The following SMURF1 variants were observed in gnomAD, a reference collection of about 807,000 sequenced individuals.
SMURF1 encodes the protein SMAD specific E3 ubiquitin protein ligase 1, also known as E3 ubiquitin-protein ligase SMURF1.
A neutral mutation model predicts 98.0 loss-of-function variants in SMURF1; 44 were observed. The observed-to-expected ratio is 0.45, with a 90% CI of 0.35 to 0.58. The LOEUF (loss-of-function observed/expected upper bound fraction) is 0.58, where lower values mean the gene tolerates loss of function less well. Among genes scored for constraint, SMURF1 ranks in the 20% least tolerant of loss-of-function variants. The pLI is 0.00. For missense variants in SMURF1, 687 were observed against 938.4 expected, an observed-to-expected ratio of 0.73 and a Z score of 3.50; for synonymous variants, 396 against 374.9, an observed-to-expected ratio of 1.06 and a Z score of -0.65.
chr7:99,060,378 C>CAAAAAAAAAAAAAA (rs11340949), intron 3 of SMURF1, among the ~76,000 whole-genome samples: 1 of 92,498 alleles, frequency 1.1e-5, no homozygotes, highest in African/African-American at 5.0e-5. Context: ...GACTCCGTCT[C>CAAAAAAAAAAAAAA]AAAAAAAAAA....
chr7:99,056,196 C>G lies in SMURF1; in HGVS notation c.403+1009G>C, dbSNP rs920584384. Among the ~76,000 whole-genome samples, 10 of 152,166 alleles carry G rather than the reference C, an allele frequency of 6.6e-5. No homozygotes were observed. In the East Asian group the frequency reaches 1.9e-3, roughly 30 times the overall value. On this transcript the variant is annotated intron_variant, in intron 5 of 17. Coordinates refer to ENST00000361368, the MANE Select transcript of SMURF1 (RefSeq NM_181349.3). ...GTAGATTTCAGGGTGTATGTCTGCACTATTCATTTATCTTGGGTCAGGTCT... is the reference window on the plus strand; with the variant it reads ...GTAGATTTCAGGGTGTATGTCTGCAGTATTCATTTATCTTGGGTCAGGTCT...
rs1187493338 is a variant in SMURF1, at chr7:99,052,422, A to G, written c.504T>C (p.Pro168=). The change falls in exon 7 of 18, where the codon CCT becomes CCC. Residue 168 remains proline (P), a synonymous_variant. Coordinates refer to ENST00000361368, the MANE Select transcript of SMURF1 (RefSeq NM_181349.3). ...CCATGAAGCAGCTGAGCGGCCTCCC[A>G]GGCCCGGAGTCTTCATACACCGTTC... ...NEGTVYEDSG[P]GRPLSCFMEE... 6.3e-7 allele frequency: 1 copy of G among 1,586,862 alleles called. No individual in the cohort carries two copies. The highest frequency in any genetic ancestry group is 1.2e-5 in the South Asian group (1 of 86,112).
chr7:99,040,284 TACACACACACGCGCGC>T (rs1795323425), intron 13 of SMURF1, 78 bp downstream of exon 13: 27 of 1,251,390 alleles, frequency 2.2e-5, no homozygotes, highest in South Asian at 1.4e-4. Context: ...ATCCCCAAAA[TACACACACACGCGCGC>T]GCGCGCGCAC....
chr7:99,112,657 G>A (rs1328774785), intron 1 of SMURF1, among the ~76,000 whole-genome samples: 2 of 152,118 alleles, frequency 1.3e-5, no homozygotes, highest in Admixed American at 1.3e-4. Flanking sequence ...TGCCCCTGAG[G>A]AAGCCTAGTC....
intron 1 of SMURF1, among the ~76,000 whole-genome samples, chr7:99,132,078 C>T (rs1453710905): frequency 2.6e-5 from 4 of 152,128 alleles, no homozygotes; most frequent in Non-Finnish European, 4.4e-5. Flanking sequence ...ATTAAAATTT[C>T]GGGCTTTGGT....
chr7:99,057,370 A>G (rs1795902368), intron 4 of SMURF1, 48 bp downstream of exon 4: 2 of 1,612,610 alleles, frequency 1.2e-6, no homozygotes, highest in Non-Finnish European at 1.7e-6. Context: ...GATGCCTCCT[A>G]AGCTTTCTTT....
intron 1 of SMURF1, among the ~76,000 whole-genome samples, chr7:99,064,881 G>A (rs1195813099): frequency 6.6e-6 from 1 of 152,032 alleles, no homozygotes; most frequent in Non-Finnish European, 1.5e-5. Context: ...AAAATCCACA[G>A]CCCCAAAACC....
rs1194308241 is a variant in SMURF1 at position 99,059,397 on chromosome 7, CAAAAA to C, written c.203+1197_203+1201del. Among the ~76,000 whole-genome samples the C allele has an allele frequency of 5.6e-4, 32 of 57,092 alleles. 1 individual carries two copies. Among genetic ancestry groups the C allele is most frequent in the South Asian group, 3.3e-3 (5 of 1,510 alleles). The allele number at this position is 57,092 out of a possible 152,430, so 37.5% of individuals were successfully genotyped here. Reference sequence around the variant, plus strand: ...TGGGCGACAGAGCAAGACTCCATCTCAAAAAAAAATAAAATAAAATAAAATAAAAT... The same window carrying C: ...TGGGCGACAGAGCAAGACTCCATCTCAAAATAAAATAAAATAAAATAAAAT... On this transcript the variant is annotated intron_variant, in intron 3 of 17. Coordinates refer to ENST00000361368, the MANE Select transcript of SMURF1 (RefSeq NM_181349.3).
At chr7:99,116,318 C>A (rs1349064328) in intron 1 of SMURF1, among the ~76,000 whole-genome samples, 1 of 152,092 alleles carries the variant, frequency 6.6e-6, no homozygotes, top group Non-Finnish European at 1.5e-5. Flanking sequence ...TGCTTAACAT[C>A]ATATTTACTG....
intron 1 of SMURF1, among the ~76,000 whole-genome samples, chr7:99,063,034 T>C (rs974810585): frequency 6.6e-6 from 1 of 151,556 alleles, no homozygotes; most frequent in Admixed American, 6.6e-5. Context: ...TTTGTACTGC[T>C]TCACAAATTG....
chr7:99,085,845 T>C (rs1796667658), intron 1 of SMURF1, among the ~76,000 whole-genome samples: 1 of 152,220 alleles, frequency 6.6e-6, no homozygotes, highest in Non-Finnish European at 1.5e-5. Flanking sequence ...TGGAATCATA[T>C]AGTATATATC....
Position 99,096,497 on chromosome 7 carries a change from A to C in SMURF1, c.56-34660T>G, listed in dbSNP as rs141365224. Among the ~76,000 whole-genome samples, 3 of 152,360 alleles carry C rather than the reference A, an allele frequency of 2.0e-5. No individual in the cohort carries two copies. The East Asian group carries it at 5.8e-4, about 29-fold the overall frequency. On this transcript the variant is annotated intron_variant, in intron 1 of 17. Transcript: ENST00000361368. ...GGAGGAAAAGATATGCCATGCAAAC[A>C]CTAATCATAAGAAAGCCTGAATGGC... is the stretch of plus-strand genomic sequence containing the variant.
At chr7:99,049,472 A>T (rs1795686319) in intron 9 of SMURF1, 91 bp downstream of exon 9, 2 of 1,299,234 alleles carry the variant, frequency 1.5e-6, no homozygotes, top group Non-Finnish European at 2.2e-6. Context: ...CCAACCAGCA[A>T]GACAGTCAAT....
At chr7:99,080,291 T>TTTTG (rs1563020067) in intron 1 of SMURF1, among the ~76,000 whole-genome samples, 1 of 151,848 alleles carries the variant, frequency 6.6e-6, no homozygotes. Flanking sequence ...CTAGATAAGT[T>TTTTG]TTTTGTTTTG....
chr7:99,104,486 G>A (rs569038585), intron 1 of SMURF1, among the ~76,000 whole-genome samples: 10 of 152,190 alleles, frequency 6.6e-5, no homozygotes, highest in African/African-American at 2.4e-4. Context: ...ACGTGATCTT[G>A]GGCAAGAGTC....
Position 99,076,416 on chromosome 7 carries a change from T to C in SMURF1, c.56-14579A>G, listed in dbSNP as rs79753059. The stretch of plus-strand genomic sequence containing the variant: ...CGATGAGAATGGTACTTCACTTCTG[T>C]GGTCTTCCTCTCTAAAATGCATAAT... On this transcript the variant is annotated intron_variant, in intron 1 of 17. Coordinates refer to ENST00000361368, the MANE Select transcript of SMURF1 (RefSeq NM_181349.3). Among the ~76,000 whole-genome samples, 1,221 of 152,334 alleles carry C rather than the reference T, an allele frequency of 8.0e-3. 10 individuals are homozygous for C. Among genetic ancestry groups the C allele is most frequent in the African/African-American group, 0.025 (1,056 of 41,574 alleles).
intron 1 of SMURF1, among the ~76,000 whole-genome samples, chr7:99,119,000 C>T (rs546365136): frequency 4.6e-4 from 57 of 124,866 alleles, no homozygotes; most frequent in Non-Finnish European, 6.3e-4. Context: ...AGCTAACATG[C>T]CAATTTTTTT....
intron 1 of SMURF1, among the ~76,000 whole-genome samples, chr7:99,113,303 G>C (rs1408027560): frequency 1.3e-5 from 2 of 152,020 alleles, no homozygotes; most frequent in South Asian, 2.1e-4. Context: ...TCATGTAGAA[G>C]GCATCCTCAA....
At chr7:99,119,108 AG>A (rs1244836466) in intron 1 of SMURF1, among the ~76,000 whole-genome samples, 1 of 145,972 alleles carries the variant, frequency 6.9e-6, no homozygotes, top group Non-Finnish European at 1.5e-5. Context: ...GGATATATTG[AG>A]GAAAAAAGCA....
Sources: gnomAD v4.1 joint callset for allele counts (sites outside exome capture counted in the v4.1 genomes callset) on GRCh38, gnomAD v4.1.1 for gene constraint, MANE v1.5 for transcripts, NCBI Gene and HGNC (gene_info 2026-07-23, HGNC 2026-07-21) for gene names.